C12orf56: variants seen among roughly 807,000 people sequenced by gnomAD.
C12orf56 encodes the protein uncharacterized protein C12orf56.
A neutral mutation model predicts 69.9 loss-of-function variants in C12orf56; 71 were observed. That is an observed-to-expected ratio of 1.02 (90% CI 0.84 to 1.24). C12orf56 has a LOEUF of 1.24. C12orf56 is among the 50% of genes most tolerant of loss of function. C12orf56 has a pLI of 0.00. For synonymous variants in C12orf56, 276 were observed against 274.1 expected, an observed-to-expected ratio of 1.01 and a Z score of -0.07; for missense variants, 732 against 738.5, an observed-to-expected ratio of 0.99 and a Z score of 0.10.
chr12:64,308,972 A>AAAGAAAGAAAG (rs200012816), intron 5 of C12orf56, among the ~76,000 whole-genome samples: 8 of 77,414 alleles, frequency 1.0e-4, no homozygotes, highest in African/African-American at 2.2e-4. Flanking sequence ...AGAAAGAAAG[A>AAAGAAAGAAAG]AAAGAAAGAA....
At chr12:64,278,678 A>G (rs532996826) in intron 8 of C12orf56, among the ~76,000 whole-genome samples, 2 of 152,172 alleles carry the variant, frequency 1.3e-5, no homozygotes, top group Non-Finnish European at 2.9e-5. Flanking sequence ...CCATATTTGT[A>G]TGATTGATCT....
intron 2 of C12orf56, among the ~76,000 whole-genome samples, chr12:64,347,525 C>T (rs977715799): frequency 6.6e-6 from 1 of 151,986 alleles, no homozygotes; most frequent in Admixed American, 6.6e-5. Context: ...ACTTCATGAT[C>T]CTTGGCCTTC....
At chr12:64,331,599 T>C (rs1198736591) in intron 2 of C12orf56, among the ~76,000 whole-genome samples, 2 of 152,302 alleles carry the variant, frequency 1.3e-5, no homozygotes, top group African/African-American at 4.8e-5. Flanking sequence ...AGTACCCTTA[T>C]AAAAGGTTGA....
intron 1 of C12orf56, 47 bp from the exon 2 acceptor site, chr12:64,353,103 T>C (rs2039255974): frequency 6.4e-7 from 1 of 1,566,236 alleles, no homozygotes; most frequent in Non-Finnish European, 8.7e-7. Flanking sequence ...TACAACTGCT[T>C]ACCTATTTTG....
At chr12:64,368,781 A>T (rs952037203) in intron 1 of C12orf56, among the ~76,000 whole-genome samples, 7 of 152,134 alleles carry the variant, frequency 4.6e-5, no homozygotes, top group African/African-American at 1.7e-4. Flanking sequence ...AGGAAATCTG[A>T]TTTCTAGTGT....
intron 1 of C12orf56, among the ~76,000 whole-genome samples, chr12:64,361,333 G>A (rs1056645315): frequency 2.0e-5 from 3 of 152,176 alleles, no homozygotes; most frequent in African/African-American, 4.8e-5. Context: ...TCTTGAATAA[G>A]GGCTGCGTAA....
chr12:64,318,804 G>C lies in C12orf56; in HGVS notation c.665C>G (p.Thr222Arg). Residue 222 changes from threonine to arginine, a missense_variant, in exon 4 of 13, where the codon ACA becomes AGA. Transcript: ENST00000543942. ...AAGTCCCTGGGGTTCTTTTGTGTTT[G>C]TTGTGCAAGATGGCTCGCTGACAGC... ...GKAVSEPSCT[T>R]NTKEPQGLPD... The C allele has an allele frequency of 6.5e-7, 1 of 1,537,196 alleles. No individual in the cohort carries two copies. Among genetic ancestry groups the C allele is most frequent in the African/African-American group, 1.4e-5 (1 of 73,136 alleles).
At chr12:64,380,131 A>C (rs1565783126) in intron 1 of C12orf56, among the ~76,000 whole-genome samples, 7 of 46,344 alleles carry the variant, frequency 1.5e-4, no homozygotes, top group African/African-American at 2.2e-4. Flanking sequence ...AAAAAAAAAA[A>C]AAACAAAACA....
chr12:64,302,931 T>A (rs1306716333), intron 6 of C12orf56, among the ~76,000 whole-genome samples: 1 of 151,008 alleles, frequency 6.6e-6, no homozygotes. Context: ...AGCCCAGGAG[T>A]TTGAGACCAG....
At chr12:64,353,942 A>T (rs1175267307) in intron 1 of C12orf56, among the ~76,000 whole-genome samples, 1 of 152,142 alleles carries the variant, frequency 6.6e-6, no homozygotes, top group African/African-American at 2.4e-5. Flanking sequence ...CGGCCTCCCA[A>T]AGTGCTGGGA....
rs186066949 is a variant in C12orf56, at chr12:64,318,014, C to T, written c.894+561G>A. ...GATAAGACTTGTCTCCCTCCTTCTT[C>T]ATGACTTCCATGACTCACCTTACCT... is the stretch of plus-strand genomic sequence containing the variant. On this transcript the variant is annotated intron_variant, in intron 4 of 12. Coordinates refer to ENST00000543942, the MANE Select transcript of C12orf56 (RefSeq NM_001170633.2). 5.9e-3 allele frequency among the ~76,000 whole-genome samples: 900 copies of T among 151,668 alleles called. 10 individuals carry two copies. Among genetic ancestry groups the T allele is most frequent in the Non-Finnish European group, 7.9e-3 (534 of 67,954 alleles).
chr12:64,357,192 C>T (rs181425886), intron 1 of C12orf56, among the ~76,000 whole-genome samples: 5 of 151,494 alleles, frequency 3.3e-5, no homozygotes, highest in South Asian at 2.1e-4. Flanking sequence ...TACTGTTTCA[C>T]GGGAAGAATT....
intron 1 of C12orf56, among the ~76,000 whole-genome samples, chr12:64,381,036 C>T (rs892185393): frequency 1.3e-5 from 2 of 152,170 alleles, no homozygotes; most frequent in African/African-American, 4.8e-5. Flanking sequence ...AAGAGTAATT[C>T]ATGCAGGGCC....
At chr12:64,361,156 C>T (rs551195379) in intron 1 of C12orf56, among the ~76,000 whole-genome samples, 1 of 152,214 alleles carries the variant, frequency 6.6e-6, no homozygotes, top group Admixed American at 6.5e-5. Context: ...GAGGCAGAGA[C>T]TGCAGTGAAC....
chr12:64,355,450 A>G (rs2039298148), intron 1 of C12orf56, among the ~76,000 whole-genome samples: 1 of 152,152 alleles, frequency 6.6e-6, no homozygotes, highest in Non-Finnish European at 1.5e-5. Context: ...TTATGATTTG[A>G]ACAGTAATTT....
intron 2 of C12orf56, among the ~76,000 whole-genome samples, chr12:64,351,915 G>A (rs900937473): frequency 2.0e-5 from 3 of 149,850 alleles, no homozygotes; most frequent in Admixed American, 6.6e-5. Flanking sequence ...CTCTGTCCTC[G>A]CTTCACAGAT....
intron 2 of C12orf56, among the ~76,000 whole-genome samples, chr12:64,341,626 C>T (rs778736732): frequency 3.3e-5 from 5 of 152,124 alleles, no homozygotes; most frequent in African/African-American, 4.8e-5. Context: ...TAAGGCATTC[C>T]GTGAGTCCAC....
chr12:64,314,312 T>C (rs931871430), intron 4 of C12orf56, among the ~76,000 whole-genome samples: 4 of 151,976 alleles, frequency 2.6e-5, no homozygotes, highest in Non-Finnish European at 5.9e-5. Context: ...AGGCTGGTCT[T>C]GAACTCCTGG....
intron 1 of C12orf56, among the ~76,000 whole-genome samples, chr12:64,377,481 A>T (rs1042691413): frequency 3.9e-5 from 6 of 152,124 alleles, no homozygotes; most frequent in Non-Finnish European, 8.8e-5. Flanking sequence ...GAGCCACTGC[A>T]CCTGGCCTCT....
Sources: allele counts gnomAD v4.1 joint callset (sites outside exome capture counted in the v4.1 genomes callset), GRCh38; gene constraint gnomAD v4.1.1; transcripts MANE v1.5; gene names NCBI Gene and HGNC (gene_info 2026-07-23, HGNC 2026-07-21).